RBFOX1: variants seen among roughly 807,000 people sequenced by gnomAD.
RBFOX1 encodes RNA binding protein fox-1 homolog 1.
Under a neutral mutation model 57.7 loss-of-function variants are expected in RBFOX1, and 8 were observed. The ratio of observed to expected loss-of-function variants is 0.14; its 90% CI spans 0.08 to 0.25. RBFOX1 has a LOEUF of 0.25. RBFOX1 is among the 10% of genes least tolerant of loss of function. The pLI is 1.00. For missense variants in RBFOX1, 611 were observed against 548.5 expected (o/e 1.11, Z -1.14); for synonymous variants, 326 against 222.4 (o/e 1.47, Z -4.15).
intron 4 of RBFOX1, among the ~76,000 whole-genome samples, chr16:7,322,412 G>A (rs1000855826): frequency 1.3e-5 from 2 of 152,232 alleles, no homozygotes; most frequent in Non-Finnish European, 1.5e-5. Flanking sequence ...GTGATTTCAC[G>A]TGAAAACAGC....
intron 2 of RBFOX1, among the ~76,000 whole-genome samples, chr16:6,627,960 C>T (rs754537451): frequency 5.3e-5 from 8 of 152,222 alleles, no homozygotes; most frequent in Non-Finnish European, 8.8e-5. Context: ...CCACTCTCAG[C>T]CTCGCTGGAT....
chr16:7,554,627 GTTGAGCACT>G, intron 5 of RBFOX1, among the ~76,000 whole-genome samples: 1 of 151,950 alleles, frequency 6.6e-6, no homozygotes, highest in African/African-American at 2.4e-5. Context: ...ATTCAGATTA[GTTGAGCACT>G]TTGAGCCTCT....
At chr16:5,549,043 G>A (rs1393338031) in intron 2 of RBFOX1, among the ~76,000 whole-genome samples, 1 of 152,212 alleles carries the variant, frequency 6.6e-6, no homozygotes, top group East Asian at 1.9e-4. Flanking sequence ...TGGCCGCAAG[G>A]CAGTGGTTTG....
At chr16:6,782,864 G>A (rs1015909567) in intron 3 of RBFOX1, among the ~76,000 whole-genome samples, 2 of 152,186 alleles carry the variant, frequency 1.3e-5, no homozygotes, top group East Asian at 1.9e-4. Context: ...GCTGGGGTCT[G>A]TTTCTCTCTT....
At chr16:7,316,963 A>AACACACACACACAC (rs112548867) in intron 4 of RBFOX1, among the ~76,000 whole-genome samples, 1,523 of 146,970 alleles carry the variant, frequency 0.01, 16 homozygotes, top group African/African-American at 0.026. Flanking sequence ...AAGAAGACAG[A>AACACACACACACAC]ACACACACAC....
At position 6,879,088 on chromosome 16, in the gene RBFOX1, A is replaced by G. The variant is rs147832700; in HGVS notation, c.-15-172969A>G. Among the ~76,000 whole-genome samples the G allele has an allele frequency of 2.6e-4, 40 of 152,322 alleles. No individual in the cohort carries two copies. The East Asian group carries it at 6.0e-3, about 23-fold the overall frequency. On this transcript the variant is annotated intron_variant, in intron 3 of 15. Coordinates refer to ENST00000550418, the MANE Select transcript of RBFOX1 (RefSeq NM_018723.4). Reference sequence around the variant, plus strand: ...CTTTTAAGAAGTTTTCAGAAAGCCAATGAGCTAATAGCTTGAATATATTAC... The same window carrying G: ...CTTTTAAGAAGTTTTCAGAAAGCCAGTGAGCTAATAGCTTGAATATATTAC...
rs746999419 is a variant in RBFOX1, at chr16:6,562,880, C to CTTTCTTTCTTTCTTT, written c.-63-91720_-63-91719insCTTTCTTTCTTTTTT. On this transcript the variant is annotated intron_variant, in intron 2 of 15. Transcript: ENST00000550418. The stretch of plus-strand genomic sequence containing the variant: ...TCTTTCTTTCTTTCTTTCTTTCTTT[C>CTTTCTTTCTTTCTTT]TTTTTTTTTTTTTTTTTTGCATAGT... Among the ~76,000 whole-genome samples the CTTTCTTTCTTTCTTT allele has an allele frequency of 8.0e-3, 411 of 51,684 alleles. 3 individuals are homozygous for CTTTCTTTCTTTCTTT. Among genetic ancestry groups the CTTTCTTTCTTTCTTT allele is most frequent in the East Asian group, 0.012 (13 of 1,096 alleles). The allele number at this position is 51,684 out of a possible 152,430, so 33.9% of individuals were successfully genotyped here.
intron 3 of RBFOX1, among the ~76,000 whole-genome samples, chr16:6,891,646 T>C (rs1490096460): frequency 6.6e-6 from 1 of 152,224 alleles, no homozygotes; most frequent in East Asian, 1.9e-4. Context: ...TTGCTTAATC[T>C]CTGCAAGTTT....
intron 3 of RBFOX1, among the ~76,000 whole-genome samples, chr16:6,929,355 G>C (rs948753734): frequency 5.3e-5 from 8 of 152,130 alleles, no homozygotes; most frequent in African/African-American, 1.9e-4. Flanking sequence ...TATAGGCAAG[G>C]TTAGAATCCC....
At chr16:5,968,515 A>G (rs1596316719) in intron 4 of RBFOX1, among the ~76,000 whole-genome samples, 2 of 152,164 alleles carry the variant, frequency 1.3e-5, no homozygotes, top group Admixed American at 1.3e-4. Flanking sequence ...TAAGTCTCTT[A>G]AATATTATTA....
chr16:7,277,117 A>C (rs2095455535), intron 4 of RBFOX1, among the ~76,000 whole-genome samples: 2 of 152,222 alleles, frequency 1.3e-5, no homozygotes, highest in South Asian at 2.1e-4. Context: ...TCCTTTGACT[A>C]TACTGCTGTT....
At chr16:7,128,077 G>T (rs909365703) in intron 4 of RBFOX1, among the ~76,000 whole-genome samples, 1 of 152,156 alleles carries the variant, frequency 6.6e-6, no homozygotes, top group Non-Finnish European at 1.5e-5. Flanking sequence ...CTTAATGGGG[G>T]CTCAAGTGAT....
chr16:7,669,658 T>C (rs767161301), intron 13 of RBFOX1, among the ~76,000 whole-genome samples: 4 of 152,244 alleles, frequency 2.6e-5, no homozygotes, highest in Admixed American at 1.3e-4. Flanking sequence ...CAATTATTTC[T>C]GAATTCCTGT....
rs374251167 is a variant in RBFOX1, at chr16:5,395,223, C to T, written c.220-71993C>T. On this transcript the variant is annotated intron_variant, in intron 1 of 2. Transcript: ENST00000585867. ...ACCTGGTGGTCTCTGTGCATCTCTT[C>T]TCCATCTCACTAACTCTTCCTTGAA... 2.4e-4 allele frequency among the ~76,000 whole-genome samples: 37 copies of T among 152,362 alleles called. No homozygotes were observed. In the East Asian group the frequency reaches 6.2e-3, roughly 25 times the overall value.
intron 3 of RBFOX1, among the ~76,000 whole-genome samples, chr16:5,765,691 A>G (rs1170138625): frequency 6.6e-6 from 1 of 152,158 alleles, no homozygotes; most frequent in Admixed American, 6.5e-5. Context: ...GACTCGCCCC[A>G]AGGGAGAAAG....
chr16:6,377,301 A>T (rs2091305682), intron 2 of RBFOX1, among the ~76,000 whole-genome samples: 1 of 151,804 alleles, frequency 6.6e-6, no homozygotes, highest in African/African-American at 2.4e-5. Flanking sequence ...GAAAAAGAAA[A>T]AAAAAGGTAT....
chr16:7,302,554 G>A (rs996657769), intron 4 of RBFOX1, among the ~76,000 whole-genome samples: 9 of 151,628 alleles, frequency 5.9e-5, no homozygotes, highest in South Asian at 2.1e-4. Flanking sequence ...TCAGTGAGAA[G>A]CTGTCAGCAA....
At chr16:6,797,311 C>A (rs184775012) in intron 3 of RBFOX1, among the ~76,000 whole-genome samples, 1 of 152,048 alleles carries the variant, frequency 6.6e-6, no homozygotes, top group Non-Finnish European at 1.5e-5. Flanking sequence ...ACAAAGTTAC[C>A]GTTTCAGAGC....
chr16:5,333,327 G>A (rs758201767), intron 1 of RBFOX1, among the ~76,000 whole-genome samples: 3 of 152,202 alleles, frequency 2.0e-5, no homozygotes, highest in East Asian at 1.9e-4. Flanking sequence ...ACATGGTCAC[G>A]CCCATTCGTT....
Sources: allele counts gnomAD v4.1 joint callset (sites outside exome capture counted in the v4.1 genomes callset), GRCh38; gene constraint gnomAD v4.1.1; transcripts MANE v1.5; gene names NCBI Gene and HGNC (gene_info 2026-07-23, HGNC 2026-07-21).